The following NPSR1 variants were observed in gnomAD, a reference collection of about 807,000 sequenced individuals.
The protein encoded by NPSR1 is neuropeptide S receptor 1, also known as neuropeptide S receptor.
A neutral mutation model predicts 46.9 loss-of-function variants in NPSR1; 48 were observed. The observed-to-expected ratio is 1.02, with a 90% CI of 0.81 to 1.30. The LOEUF (loss-of-function observed/expected upper bound fraction) is 1.30, where lower values mean the gene tolerates loss of function less well. Ranked by LOEUF, NPSR1 falls within the 50% of genes most tolerant of loss-of-function variation. The pLI is 0.00. For missense variants in NPSR1, 450 were observed against 449.5 expected, an observed-to-expected ratio of 1.00 and a Z score of -0.01; for synonymous variants, 176 against 168.1, an observed-to-expected ratio of 1.05 and a Z score of -0.36.
At chr7:34,786,007 G>T (rs183563916) in intron 3 of NPSR1, among the ~76,000 whole-genome samples, 1 of 152,046 alleles carries the variant, frequency 6.6e-6, no homozygotes, top group African/African-American at 2.4e-5. Flanking sequence ...AGGTTGTGGT[G>T]GCTGTGGCAA....
intron 2 of NPSR1, among the ~76,000 whole-genome samples, chr7:34,737,820 A>G (rs1163474536): frequency 6.6e-6 from 1 of 152,120 alleles, no homozygotes; most frequent in African/African-American, 2.4e-5. Context: ...TAGGGACATC[A>G]TCATGTCTTG....
At chr7:34,844,362 C>T (rs1271450757) in intron 6 of NPSR1, among the ~76,000 whole-genome samples, 1 of 152,026 alleles carries the variant, frequency 6.6e-6, no homozygotes, top group Non-Finnish European at 1.5e-5. Flanking sequence ...CAACAGTCTA[C>T]ATGAAAAAAA....
At chr7:34,769,917 G>C (rs191948158) in intron 2 of NPSR1, among the ~76,000 whole-genome samples, 1 of 152,300 alleles carries the variant, frequency 6.6e-6, no homozygotes, top group East Asian at 1.9e-4. Flanking sequence ...CCAAGGTCTT[G>C]TTAATTATCA....
At chr7:34,740,191 C>T (rs957369085) in intron 2 of NPSR1, among the ~76,000 whole-genome samples, 1 of 151,930 alleles carries the variant, frequency 6.6e-6, no homozygotes, top group Non-Finnish European at 1.5e-5. Context: ...TTGGGGAAAG[C>T]TGGCAGTCAC....
intron 3 of NPSR1, among the ~76,000 whole-genome samples, chr7:34,785,283 A>G (rs946152407): frequency 1.3e-5 from 2 of 151,430 alleles, no homozygotes; most frequent in African/African-American, 4.9e-5. Flanking sequence ...TTGCAAGGAC[A>G]AAAAGCCAAA....
intron 2 of NPSR1, among the ~76,000 whole-genome samples, chr7:34,737,484 C>T (rs1784733879): frequency 6.6e-6 from 1 of 152,194 alleles, no homozygotes; most frequent in South Asian, 2.1e-4. Context: ...TCCTCTTCTC[C>T]CATTCCCATT....
intron 3 of NPSR1, among the ~76,000 whole-genome samples, chr7:34,788,531 A>G (rs1027541072): frequency 8.5e-5 from 13 of 152,260 alleles, no homozygotes; most frequent in African/African-American, 3.1e-4. Flanking sequence ...ATCACATAGA[A>G]TAGACTTTAA....
chr7:34,700,189 G>A (rs974219909), intron 2 of NPSR1, among the ~76,000 whole-genome samples: 1 of 152,130 alleles, frequency 6.6e-6, no homozygotes, highest in Non-Finnish European at 1.5e-5. Context: ...AAGTCATAAG[G>A]CGGATGTAAC....
At chr7:34,782,968 TA>T (rs1199064668) in intron 3 of NPSR1, among the ~76,000 whole-genome samples, 1 of 151,686 alleles carries the variant, frequency 6.6e-6, no homozygotes, top group African/African-American at 2.4e-5. Flanking sequence ...ATTCTGGAGC[TA>T]AAAAACATTA....
intron 4 of NPSR1, among the ~76,000 whole-genome samples, chr7:34,817,849 C>T (rs1323137290): frequency 1.3e-5 from 2 of 152,134 alleles, no homozygotes; most frequent in African/African-American, 2.4e-5. Context: ...ACAAAAAAGG[C>T]CTTCAACAAA....
chr7:34,735,755 A>G (rs906334839), intron 2 of NPSR1, among the ~76,000 whole-genome samples: 3 of 152,234 alleles, frequency 2.0e-5, no homozygotes, highest in Admixed American at 2.0e-4. Context: ...TTTGGCAAAG[A>G]GCTTTTCATT....
intron 6 of NPSR1, among the ~76,000 whole-genome samples, chr7:34,842,655 G>T (rs1349482385): frequency 3.9e-5 from 6 of 152,202 alleles, no homozygotes; most frequent in African/African-American, 1.4e-4. Flanking sequence ...GTTAGGAGTG[G>T]CCTTACAGGG....
intron 3 of NPSR1, among the ~76,000 whole-genome samples, chr7:34,790,677 G>A (rs1787700548): frequency 7.4e-6 from 1 of 134,958 alleles, no homozygotes; most frequent in African/African-American, 2.7e-5. Context: ...TATGTTATAT[G>A]TTCTATGTTA....
rs960109245 is a variant in NPSR1, at chr7:34,666,918, C to T, written c.147+8359C>T. ...ACCAAGAAAGTAAAAGTTTCTCCCC[C>T]TCCTCAAAGAAAAGGGCCTTACATT... On this transcript the variant is annotated intron_variant, in intron 1 of 8. Transcript: ENST00000360581. Among the ~76,000 whole-genome samples the T allele has an allele frequency of 2.0e-4, 30 of 152,150 alleles. 1 individual carries two copies. The highest frequency in any genetic ancestry group is 2.0e-3 in the Admixed American group (30 of 15,280).
In NPSR1 at chr7:34,810,181, C is replaced by T. The variant is rs574352325; in HGVS notation, c.385-1589C>T. Among the ~76,000 whole-genome samples, 3 of 152,334 alleles carry T rather than the reference C, an allele frequency of 2.0e-5. No homozygotes were observed. The South Asian group carries it at 6.2e-4, about 32-fold the overall frequency. ...TGCCAAGAAGAAAGTGAAGTAAATG[C>T]TCTCCATTAGACTTCAATCTACAAG... On this transcript the variant is annotated intron_variant, in intron 3 of 8. Coordinates refer to ENST00000360581, the MANE Select transcript of NPSR1 (RefSeq NM_207172.2).
In NPSR1 at chr7:34,878,183, G is replaced by A. The variant is rs771868468; in HGVS notation, c.1133G>A (p.Ter378=). The change falls in exon 9 of 9, where the codon TGA becomes TAA. Residue 378 remains the stop codon, a stop_retained_variant. Coordinates refer to the NPSR1 transcript ENST00000359791. ...GTACCTTCCTGGGCTCTTCCAAGGTGACAGCTCTCACCCTGTGCTGCAGGT... is the reference window on the plus strand; with the variant it reads ...GTACCTTCCTGGGCTCTTCCAAGGTAACAGCTCTCACCCTGTGCTGCAGGT... 4.6e-5 allele frequency: 73 copies of A among 1,569,908 alleles called. 1 individual carries two copies. In the Middle Eastern group the frequency reaches 2.0e-3, roughly 42 times the overall value.
intron 8 of NPSR1, among the ~76,000 whole-genome samples, chr7:34,866,568 G>A (rs1791320170): frequency 6.6e-6 from 1 of 151,570 alleles, no homozygotes; most frequent in Admixed American, 6.6e-5. Context: ...ACTATGTCTT[G>A]CCTGATTGAG....
chr7:34,789,740 C>CAAA (rs751424409), intron 3 of NPSR1, among the ~76,000 whole-genome samples: 943 of 45,314 alleles, frequency 0.021, 106 homozygotes, highest in African/African-American at 0.065. Context: ...TTGCAGTGCG[C>CAAA]AAAAAAAAAA....
intron 3 of NPSR1, among the ~76,000 whole-genome samples, chr7:34,782,479 A>G (rs928757740): frequency 6.6e-6 from 1 of 152,114 alleles, no homozygotes; most frequent in Non-Finnish European, 1.5e-5. Context: ...GAGGATCCTT[A>G]TGATCTTTAT....
Sources: allele counts gnomAD v4.1 joint callset (sites outside exome capture counted in the v4.1 genomes callset), GRCh38; gene constraint gnomAD v4.1.1; transcripts MANE v1.5; gene names NCBI Gene and HGNC (gene_info 2026-07-23, HGNC 2026-07-21).